Variants in RNF135 observed in about 807,000 individuals in gnomAD.
RNF135 encodes the protein E3 ubiquitin-protein ligase RNF135.
RNF135 carries 46 observed loss-of-function variants against 41.9 expected under a neutral mutation model. The observed-to-expected ratio is 1.10, with a 90% CI of 0.87 to 1.40. The LOEUF is 1.40. Ranked by LOEUF, RNF135 falls within the 40% of genes most tolerant of loss-of-function variation. The pLI is 0.00. For missense variants in RNF135, 539 were observed against 549.8 expected, an observed-to-expected ratio of 0.98 and a Z score of 0.20; for synonymous variants, 238 against 223.8, an observed-to-expected ratio of 1.06 and a Z score of -0.57.
At chr17:30,971,652 GAAAGCTTGTCA>G in intron 1 of RNF135, 4 of 1,350,994 alleles carry the variant, frequency 3.0e-6, no homozygotes, top group Non-Finnish European at 3.8e-6. Context: ...CCCATCTTCC[GAAAGCTTGTCA>G]ACTTAGCTGT....
At chr17:30,983,394 C>T (rs1907362669) in intron 1 of RNF135, among the ~76,000 whole-genome samples, 2 of 124,530 alleles carry the variant, frequency 1.6e-5, no homozygotes, top group South Asian at 5.3e-4. Context: ...GGCCCTGTCG[C>T]CCAGGCTTGA....
chr17:30,990,384 C>T (rs550297942), intron 3 of RNF135, among the ~76,000 whole-genome samples: 7 of 152,122 alleles, frequency 4.6e-5, no homozygotes, highest in African/African-American at 1.4e-4. Flanking sequence ...ATTAGCCGGG[C>T]GTGGTGGCAC....
At chr17:30,966,559 A>G (rs2142637003), upstream of RNF135, among the ~76,000 whole-genome samples, 1 of 150,804 alleles carries the variant, frequency 6.6e-6, no homozygotes. Context: ...CAGTGGCGCG[A>G]TCTTGGCTCA....
At chr17:30,989,017 C>T (rs149725166) in intron 3 of RNF135, among the ~76,000 whole-genome samples, 77 of 147,060 alleles carry the variant, frequency 5.2e-4, no homozygotes, top group African/African-American at 1.9e-3. Flanking sequence ...ACCTCAGCCT[C>T]CCAAAGTGTT....
In RNF135 at chr17:30,971,917, G is replaced by T. The variant is rs144325399; in HGVS notation, c.372+472G>T. On this transcript the variant is annotated intron_variant, in intron 1 of 4. Coordinates refer to ENST00000328381, the MANE Select transcript of RNF135 (RefSeq NM_032322.4). ...AGTGATTCTCTTGCTTCAGGCTCGA[G>T]AGTAGCTGGGATTACAGGCGTGCGC... 1.3e-3 allele frequency: 229 copies of T among 170,812 alleles called. 2 individuals are homozygous for T. Among genetic ancestry groups the T allele is most frequent in the African/African-American group, 5.1e-3 (214 of 41,840 alleles). 10.6% of individuals were successfully genotyped at this position (170,812 alleles called of 1,614,324 possible).
intron 3 of RNF135, among the ~76,000 whole-genome samples, chr17:30,992,226 G>A (rs147221887): frequency 2.6e-5 from 4 of 152,028 alleles, no homozygotes; most frequent in Admixed American, 6.6e-5. Context: ...AAGCCACTGC[G>A]CTCGGCCTTT....
At chr17:30,972,554 C>T (rs1052660171) in intron 1 of RNF135, 3 of 152,240 alleles carry the variant, frequency 2.0e-5, no homozygotes, top group African/African-American at 2.4e-5. Flanking sequence ...CCTCATTTCT[C>T]CTCCCTCTAG....
At chr17:30,995,317 G>A (rs902820955) in intron 3 of RNF135, among the ~76,000 whole-genome samples, 89 of 152,224 alleles carry the variant, frequency 5.8e-4, no homozygotes, top group African/African-American at 2.0e-3. Flanking sequence ...GAACCCGGGA[G>A]GTGGAGCTTG....
chr17:30,966,286 CAAT>C (rs1269762780), upstream of RNF135, among the ~76,000 whole-genome samples: 2 of 151,980 alleles, frequency 1.3e-5, no homozygotes, highest in African/African-American at 4.8e-5. Flanking sequence ...AGCCACGTTA[CAAT>C]AACACCCAGA....
chr17:30,995,018 C>A (rs1460804411), intron 3 of RNF135, among the ~76,000 whole-genome samples: 1 of 152,032 alleles, frequency 6.6e-6, no homozygotes, highest in Non-Finnish European at 1.5e-5. Context: ...CTATGGCTCA[C>A]TGTAACCTCA....
At chr17:30,984,098 A>C (rs1208432592) in intron 1 of RNF135, among the ~76,000 whole-genome samples, 1 of 151,964 alleles carries the variant, frequency 6.6e-6, no homozygotes, top group Non-Finnish European at 1.5e-5. Flanking sequence ...ATTTTTGTGG[A>C]TTGCCTTTTT....
intron 1 of RNF135, chr17:30,975,556 A>G: frequency 1.3e-6 from 1 of 786,088 alleles, no homozygotes; most frequent in Admixed American, 1.7e-5. Flanking sequence ...ACATACACCC[A>G]ACAATACTCC....
chr17:30,963,624 GTTC>G, the RNF135 span, among the ~76,000 whole-genome samples: 13 of 152,066 alleles, frequency 8.5e-5, 1 homozygote, highest in African/African-American at 2.9e-4. Context: ...AATTTTGAGA[GTTC>G]TTCATATATT....
intron 1 of RNF135, among the ~76,000 whole-genome samples, chr17:30,983,892 T>C (rs1028492188): frequency 6.6e-6 from 1 of 152,172 alleles, no homozygotes; most frequent in Non-Finnish European, 1.5e-5. Flanking sequence ...TGGTGATTTG[T>C]ATATCTTCTT....
rs574597738 is a variant in RNF135 at position 30,985,686 on chromosome 17, C to T, written c.516+926C>T. The stretch of plus-strand genomic sequence containing the variant: ...TCTTCTAGTCTGTTTTCCTCATGGT[C>T]ATCACAGTGACTACCACAAACATCA... On this transcript the variant is annotated intron_variant, in intron 2 of 4. Transcript: ENST00000328381. Among the ~76,000 whole-genome samples, 21 of 152,112 alleles carry T rather than the reference C, an allele frequency of 1.4e-4. No individual in the cohort carries two copies. The South Asian group carries it at 4.3e-3, about 31-fold the overall frequency.
At chr17:30,992,498 C>T (rs1026957236) in intron 3 of RNF135, among the ~76,000 whole-genome samples, 4 of 151,610 alleles carry the variant, frequency 2.6e-5, no homozygotes, top group Non-Finnish European at 4.4e-5. Context: ...CAAGGTCTTA[C>T]TTTGTTTCCC....
intron 1 of RNF135, chr17:30,972,282 C>A (rs1906054047): frequency 6.6e-6 from 1 of 151,438 alleles, no homozygotes; most frequent in African/African-American, 2.4e-5. Flanking sequence ...ATGTTTTTTT[C>A]TTTTTTTAAA....
At chr17:30,979,834 T>A (rs1409872935) in intron 1 of RNF135, among the ~76,000 whole-genome samples, 1 of 76,690 alleles carries the variant, frequency 1.3e-5, no homozygotes, top group Non-Finnish European at 2.6e-5. Flanking sequence ...CCCTCCCGGA[T>A]GGGGCGGCTG....
Position 30,971,459 on chromosome 17 carries a change from G to T in RNF135, c.372+14G>T, listed in dbSNP as rs181766710. On this transcript the variant is annotated intron_variant, in intron 1 of 4. Coordinates refer to ENST00000328381, the MANE Select transcript of RNF135 (RefSeq NM_032322.4). ...GAACTGCAGCGGGTAGGGAGGCCGG[G>T]CCCGCAGCTCCCCTGGCTCCCCCGG... 3,642 of 1,490,228 alleles carry T rather than the reference G, an allele frequency of 2.4e-3. 5 individuals are homozygous for T. The highest frequency in any genetic ancestry group is 4.2e-3 in the Admixed American group (184 of 44,034). 92.3% of individuals were successfully genotyped at this position (1,490,228 alleles called of 1,614,324 possible).
Sources: allele counts gnomAD v4.1 joint callset (sites outside exome capture counted in the v4.1 genomes callset), GRCh38; gene constraint gnomAD v4.1.1; transcripts MANE v1.5; gene names NCBI Gene and HGNC (gene_info 2026-07-23, HGNC 2026-07-21).